The following SYNPR variants were observed in gnomAD, a reference collection of about 807,000 sequenced individuals.
SYNPR encodes synaptoporin.
A neutral mutation model predicts 32.9 loss-of-function variants in SYNPR; 23 were observed. The observed-to-expected ratio is 0.70, with a 90% CI of 0.50 to 0.99. The LOEUF (loss-of-function observed/expected upper bound fraction) is 0.99. Ranked by LOEUF, SYNPR falls within the 50% of genes least tolerant of loss-of-function variation. The pLI is 0.00. For missense variants in SYNPR, 318 were observed against 349.3 expected (o/e 0.91, Z 0.71); for synonymous variants, 146 against 135.9 (o/e 1.07, Z -0.52).
intron 2 of SYNPR, among the ~76,000 whole-genome samples, chr3:63,379,655 A>G (rs2087940775): frequency 1.3e-5 from 2 of 151,712 alleles, no homozygotes; most frequent in South Asian, 4.2e-4. Flanking sequence ...TCTTTTGATT[A>G]CTGTTTGTAT....
chr3:63,505,843 C>A (rs1487452517), intron 3 of SYNPR, among the ~76,000 whole-genome samples: 6 of 152,118 alleles, frequency 3.9e-5, no homozygotes, highest in Middle Eastern at 6.3e-3. Flanking sequence ...AATATTCTAA[C>A]AGCTAGATGA....
At chr3:63,367,051 C>T (rs1364374873) in intron 2 of SYNPR, among the ~76,000 whole-genome samples, 1 of 152,152 alleles carries the variant, frequency 6.6e-6, no homozygotes, top group Non-Finnish European at 1.5e-5. Flanking sequence ...TGCCTTTTGT[C>T]TATAATTTGT....
At chr3:63,443,221 A>G (rs543153206) in intron 2 of SYNPR, 2 of 1,386,740 alleles carry the variant, frequency 1.4e-6, no homozygotes, top group South Asian at 1.6e-5. Flanking sequence ...TCACTGTCTA[A>G]TAATATGACC....
At chr3:63,411,134 G>T (rs549632147) in intron 2 of SYNPR, among the ~76,000 whole-genome samples, 31 of 152,244 alleles carry the variant, frequency 2.0e-4, no homozygotes, top group African/African-American at 6.7e-4. Flanking sequence ...AACTGAATCA[G>T]AAAAGTTTCA....
intron 3 of SYNPR, among the ~76,000 whole-genome samples, chr3:63,551,722 T>G (rs1021505893): frequency 1.3e-5 from 2 of 152,140 alleles, no homozygotes; most frequent in African/African-American, 2.4e-5. Flanking sequence ...GTCACTTCCA[T>G]AGGGAATCTT....
In SYNPR at chr3:63,591,775, G is replaced by A. The variant is rs1213627939; in HGVS notation, c.409-17350G>A. 2.5e-5 allele frequency among the ~76,000 whole-genome samples: 3 copies of A among 119,548 alleles called. No homozygotes were observed. The East Asian group carries it at 8.1e-4, about 32-fold the overall frequency. 78.4% of individuals were successfully genotyped at this position (119,548 alleles called of 152,430 possible). ...GAACAATGAGATCACATGGACACAGGAAGGGGAATATCACACTCTGGGGAC... is the reference window on the plus strand; with the variant it reads ...GAACAATGAGATCACATGGACACAGAAAGGGGAATATCACACTCTGGGGAC... On this transcript the variant is annotated intron_variant, in intron 4 of 5. Transcript: ENST00000478300.
chr3:63,495,098 C>T (rs965787299), intron 3 of SYNPR, among the ~76,000 whole-genome samples: 97 of 152,184 alleles, frequency 6.4e-4, no homozygotes, highest in African/African-American at 2.3e-3. Flanking sequence ...GTTCTTTTTC[C>T]TTTTTGCAGC....
At chr3:63,374,388 A>G (rs928057366) in intron 2 of SYNPR, among the ~76,000 whole-genome samples, 1 of 152,190 alleles carries the variant, frequency 6.6e-6, no homozygotes, top group African/African-American at 2.4e-5. Flanking sequence ...CTAAACAATG[A>G]GAACTCATGG....
At chr3:63,592,604 A>T (rs2106877879) in intron 4 of SYNPR, among the ~76,000 whole-genome samples, 1 of 152,240 alleles carries the variant, frequency 6.6e-6, no homozygotes, top group South Asian at 2.1e-4. Flanking sequence ...ACTAATAAAT[A>T]GTAGTTAAGG....
chr3:63,338,510 C>G (rs951916592), intron 2 of SYNPR, among the ~76,000 whole-genome samples: 1 of 152,186 alleles, frequency 6.6e-6, no homozygotes, highest in African/African-American at 2.4e-5. Context: ...ATTCAAATCC[C>G]TTCTGAGTAT....
At chr3:63,452,008 C>T (rs188978772) in intron 2 of SYNPR, 28 of 682,638 alleles carry the variant, frequency 4.1e-5, no homozygotes, top group Middle Eastern at 4.7e-4. Flanking sequence ...CTCCTTTCTT[C>T]CTCCCCCAGA....
At chr3:63,499,185 G>A (rs997105402) in intron 3 of SYNPR, among the ~76,000 whole-genome samples, 2 of 151,980 alleles carry the variant, frequency 1.3e-5, no homozygotes, top group South Asian at 4.2e-4. Flanking sequence ...TATATGTAAA[G>A]GTATAATCCA....
upstream of SYNPR, among the ~76,000 whole-genome samples, chr3:63,227,718 C>A (rs747647375): frequency 1.3e-5 from 2 of 152,098 alleles, no homozygotes; most frequent in Non-Finnish European, 2.9e-5. Context: ...GGGTAAAATG[C>A]GCATGCAAGC....
intron 2 of SYNPR, among the ~76,000 whole-genome samples, chr3:63,310,423 A>G (rs1379613399): frequency 6.6e-6 from 1 of 152,040 alleles, no homozygotes; most frequent in Non-Finnish European, 1.5e-5. Context: ...AACCATATGT[A>G]TTTAAAATTA....
chr3:63,572,747 A>C (rs1047355723), intron 4 of SYNPR, among the ~76,000 whole-genome samples: 2 of 152,172 alleles, frequency 1.3e-5, no homozygotes, highest in African/African-American at 4.8e-5. Flanking sequence ...AGCCGATTTC[A>C]CTCCAGGAAC....
chr3:63,416,777 T>TC (rs551608256), intron 2 of SYNPR, among the ~76,000 whole-genome samples: 409 of 150,868 alleles, frequency 2.7e-3, no homozygotes, highest in African/African-American at 4.5e-3. Context: ...GCAGGAAAAT[T>TC]CCCCCCTGTA....
intron 2 of SYNPR, among the ~76,000 whole-genome samples, chr3:63,257,632 C>T (rs1218826782): frequency 6.6e-6 from 1 of 152,120 alleles, no homozygotes; most frequent in African/African-American, 2.4e-5. Context: ...TTGTAAAGAC[C>T]ATTGAGGCTA....
At chr3:63,553,544 A>T (rs1358989122) in intron 3 of SYNPR, among the ~76,000 whole-genome samples, 1 of 152,126 alleles carries the variant, frequency 6.6e-6, no homozygotes, top group African/African-American at 2.4e-5. Flanking sequence ...TAAGTGCATA[A>T]GTGTTCCCTT....
intron 2 of SYNPR, among the ~76,000 whole-genome samples, chr3:63,280,463 T>A (rs140207454): frequency 6.6e-6 from 1 of 151,970 alleles, no homozygotes; most frequent in Admixed American, 6.6e-5. Flanking sequence ...TTTACCTCAG[T>A]GCCCTTGCTA....
Sources: allele counts gnomAD v4.1 joint callset (sites outside exome capture counted in the v4.1 genomes callset), GRCh38; gene constraint gnomAD v4.1.1; transcripts MANE v1.5; gene names NCBI Gene and HGNC (gene_info 2026-07-23, HGNC 2026-07-21).